The following RNF150 variants were observed in gnomAD, a reference collection of about 807,000 sequenced individuals.
The protein encoded by RNF150 is ring finger protein 150.
RNF150 carries 24 observed loss-of-function variants against 39.3 expected under a neutral mutation model. The ratio of observed to expected loss-of-function variants is 0.61; its 90% CI spans 0.44 to 0.86. The LOEUF (loss-of-function observed/expected upper bound fraction) is 0.86, where lower values mean the gene tolerates loss of function less well. Ranked by LOEUF, RNF150 falls within the 40% of genes least tolerant of loss-of-function variation. The probability of loss-of-function intolerance (pLI) is 0.00; values close to 1 mark genes in which losing one functional copy is unlikely to be tolerated. For missense variants in RNF150, 502 were observed against 587.8 expected, an observed-to-expected ratio of 0.85 and a Z score of 1.51; for synonymous variants, 255 against 227.3, an observed-to-expected ratio of 1.12 and a Z score of -1.10.
chr4:141,152,991 AGT>A (rs1727325927), intron 1 of RNF150, among the ~76,000 whole-genome samples: 1 of 152,196 alleles, frequency 6.6e-6, no homozygotes, highest in African/African-American at 2.4e-5. Flanking sequence ...TGATGCTGGC[AGT>A]GTTTTTGAGT....
chr4:141,114,756 C>A lies in RNF150; in HGVS notation c.484+17569G>T, dbSNP rs118091285. Among the ~76,000 whole-genome samples the A allele has an allele frequency of 5.3e-3, 810 of 152,284 alleles. 48 individuals are homozygous for A. In the East Asian group the frequency reaches 0.11, roughly 22 times the overall value. ...GCAAAAATCCTCAATAAAATACTAG[C>A]AAACCAAATCCAGCAGGACATCAAA... On this transcript the variant is annotated intron_variant, in intron 1 of 6. Coordinates refer to ENST00000515673, the MANE Select transcript of RNF150 (RefSeq NM_020724.2).
intron 1 of RNF150, among the ~76,000 whole-genome samples, chr4:141,048,017 G>A (rs1736643119): frequency 6.6e-6 from 1 of 152,132 alleles, no homozygotes; most frequent in Non-Finnish European, 1.5e-5. Flanking sequence ...GTGCTACCAT[G>A]GCATTATGGA....
At chr4:140,875,004 C>G (rs1729094507) in intron 6 of RNF150, among the ~76,000 whole-genome samples, 1 of 152,060 alleles carries the variant, frequency 6.6e-6, no homozygotes, top group African/African-American at 2.4e-5. Flanking sequence ...TCTTAATTAA[C>G]TATGACATGG....
At chr4:140,949,419 TG>T in intron 2 of RNF150, 47 bp from the exon 3 acceptor site, 2 of 1,511,192 alleles carry the variant, frequency 1.3e-6, no homozygotes, top group Non-Finnish European at 1.8e-6. Context: ...CTGTAATTCT[TG>T]ACTTCATTTC....
At chr4:141,173,801 T>C (rs1176499095) in intron 1 of RNF150, among the ~76,000 whole-genome samples, 2 of 152,224 alleles carry the variant, frequency 1.3e-5, no homozygotes, top group African/African-American at 4.8e-5. Flanking sequence ...TAAATGTATT[T>C]TCAGTATAAA....
At chr4:140,953,247 C>T (rs1732609958) in intron 2 of RNF150, among the ~76,000 whole-genome samples, 1 of 152,204 alleles carries the variant, frequency 6.6e-6, no homozygotes, top group African/African-American at 2.4e-5. Flanking sequence ...GGTAGGAAGA[C>T]GTATTTTCCT....
intron 1 of RNF150, among the ~76,000 whole-genome samples, chr4:141,076,693 G>A (rs1420991681): frequency 3.3e-5 from 5 of 151,554 alleles, no homozygotes; most frequent in African/African-American, 1.2e-4. Flanking sequence ...CTATCAAACT[G>A]ACATAACCAG....
intron 1 of RNF150, among the ~76,000 whole-genome samples, chr4:141,044,760 G>A (rs956238215): frequency 9.8e-5 from 13 of 132,660 alleles, no homozygotes; most frequent in South Asian, 2.3e-4. Context: ...TCATGCATGC[G>A]GGTGTGCAGC....
chr4:140,914,683 T>C lies in RNF150; in HGVS notation c.988-3329A>G, dbSNP rs116358756. ...CAGACCTACACCTGACTGGATAGAA[T>C]GGAGGGTGAAGCACTGTAATGTAGA... is the stretch of plus-strand genomic sequence containing the variant. On this transcript the variant is annotated intron_variant, in intron 5 of 6. Transcript: ENST00000515673. 2.2e-3 allele frequency among the ~76,000 whole-genome samples: 332 copies of C among 152,318 alleles called. 1 individual carries two copies. Among genetic ancestry groups the C allele is most frequent in the African/African-American group, 7.3e-3 (303 of 41,580 alleles).
chr4:141,083,905 T>C (rs1349897021), intron 1 of RNF150, among the ~76,000 whole-genome samples: 1 of 152,196 alleles, frequency 6.6e-6, no homozygotes, highest in African/African-American at 2.4e-5. Flanking sequence ...TCTTTGGAAA[T>C]GTAAAAGAAA....
intron 1 of RNF150, among the ~76,000 whole-genome samples, chr4:140,979,097 T>C (rs62325722): frequency 0.15 from 22,881 of 152,142 alleles, 1,905 homozygotes; most frequent in Middle Eastern, 0.24. Flanking sequence ...CAATTGGCCC[T>C]GAGGAACCTG....
At chr4:141,185,982 C>T (rs1728000796) in intron 1 of RNF150, among the ~76,000 whole-genome samples, 1 of 152,174 alleles carries the variant, frequency 6.6e-6, no homozygotes, top group Non-Finnish European at 1.5e-5. Flanking sequence ...GGACATTGGA[C>T]TGAAATTTCC....
intron 6 of RNF150, among the ~76,000 whole-genome samples, chr4:140,869,656 G>A (rs1335262219): frequency 3.3e-5 from 5 of 152,208 alleles, no homozygotes; most frequent in Admixed American, 3.3e-4. Flanking sequence ...GCAGGTAAGA[G>A]GGCTATGTAA....
chr4:141,049,235 C>T (rs1452985346), intron 1 of RNF150, among the ~76,000 whole-genome samples: 2 of 149,680 alleles, frequency 1.3e-5, no homozygotes, highest in Non-Finnish European at 3.0e-5. Context: ...GTGTGGCCAG[C>T]ACAAATAAGT....
chr4:141,126,944 G>T (rs28372551), intron 1 of RNF150, among the ~76,000 whole-genome samples: 1 of 152,078 alleles, frequency 6.6e-6, no homozygotes, highest in Non-Finnish European at 1.5e-5. Flanking sequence ...CTCCCATTAC[G>T]TAATAGAGAT....
Position 140,921,920 on chromosome 4 carries a change from G to C in RNF150, c.987+4057C>G, listed in dbSNP as rs527410166. Among the ~76,000 whole-genome samples, 1,376 of 151,708 alleles carry C rather than the reference G, an allele frequency of 9.1e-3. 13 individuals are homozygous for C. The highest frequency in any genetic ancestry group is 0.026 in the African/African-American group (1,081 of 41,392). On this transcript the variant is annotated intron_variant, in intron 5 of 6. Transcript: ENST00000515673. The stretch of plus-strand genomic sequence containing the variant: ...AAGGCCTTTGACAAAATTCAACAAC[G>C]CTTCATGCTAAAAACTCTCAATAAA...
At chr4:141,144,121 G>A (rs1287047818) in intron 1 of RNF150, among the ~76,000 whole-genome samples, 1 of 134,984 alleles carries the variant, frequency 7.4e-6, no homozygotes, top group African/African-American at 2.7e-5. Flanking sequence ...GTTGCTGGGG[G>A]AAAAAAAACC....
intron 6 of RNF150, among the ~76,000 whole-genome samples, chr4:140,904,372 A>G (rs1399679730): frequency 6.6e-6 from 1 of 152,204 alleles, no homozygotes; most frequent in Non-Finnish European, 1.5e-5. Context: ...CCACAATGGA[A>G]TGTCCTCACA....
At chr4:140,893,946 C>T (rs766872596) in intron 6 of RNF150, among the ~76,000 whole-genome samples, 1 of 152,078 alleles carries the variant, frequency 6.6e-6, no homozygotes, top group Non-Finnish European at 1.5e-5. Flanking sequence ...GGCCAAATTC[C>T]CTAAACAAGT....
Sources: allele counts gnomAD v4.1 joint callset (sites outside exome capture counted in the v4.1 genomes callset), GRCh38; gene constraint gnomAD v4.1.1; transcripts MANE v1.5; gene names NCBI Gene and HGNC (gene_info 2026-07-23, HGNC 2026-07-21).